Variants in GPC6 observed in about 807,000 individuals in gnomAD.
GPC6 encodes the protein glypican 6.
A neutral mutation model predicts 55.2 loss-of-function variants in GPC6; 14 were observed. The ratio of observed to expected loss-of-function variants is 0.25; its 90% CI spans 0.17 to 0.40. The LOEUF is 0.40. Among genes scored for constraint, GPC6 ranks in the 10% least tolerant of loss-of-function variants. The pLI is 1.00. For missense variants in GPC6, 641 were observed against 708.5 expected (o/e 0.90, Z 1.08); for synonymous variants, 278 against 259.6 (o/e 1.07, Z -0.68).
chr13:93,523,335 A>T (rs1257289559), intron 1 of GPC6, among the ~76,000 whole-genome samples: 2 of 134,850 alleles, frequency 1.5e-5, no homozygotes, highest in Non-Finnish European at 3.0e-5. Context: ...ATATATATGC[A>T]TGTGTATATG....
intron 2 of GPC6, among the ~76,000 whole-genome samples, chr13:93,717,707 G>A (rs187057852): frequency 3.5e-4 from 53 of 151,714 alleles, no homozygotes; most frequent in African/African-American, 1.2e-3. Flanking sequence ...GTGGTTTGCT[G>A]CACCCATCAA....
chr13:93,313,839 T>G (rs1879156530), intron 1 of GPC6, among the ~76,000 whole-genome samples: 1 of 152,086 alleles, frequency 6.6e-6, no homozygotes, highest in Non-Finnish European at 1.5e-5. Context: ...GCCTAAAATT[T>G]TATCTTCTAA....
chr13:93,322,591 C>A (rs370716926), intron 1 of GPC6, among the ~76,000 whole-genome samples: 1 of 151,692 alleles, frequency 6.6e-6, no homozygotes, highest in African/African-American at 2.4e-5. Context: ...TGCCCGCCAC[C>A]ATGCCCAGCT....
At chr13:93,252,544 C>G (rs1212648408) in intron 1 of GPC6, among the ~76,000 whole-genome samples, 1 of 152,180 alleles carries the variant, frequency 6.6e-6, no homozygotes, top group Admixed American at 6.5e-5. Context: ...TTCATTTGCC[C>G]TAAGCCTCTT....
At chr13:94,033,806 A>C (rs1027589845) in intron 4 of GPC6, among the ~76,000 whole-genome samples, 1 of 152,154 alleles carries the variant, frequency 6.6e-6, no homozygotes, top group Non-Finnish European at 1.5e-5. Context: ...AAAAAGAAAA[A>C]CCCAAGAGCT....
chr13:94,290,769 T>G (rs1222061211), intron 5 of GPC6, among the ~76,000 whole-genome samples: 1 of 152,224 alleles, frequency 6.6e-6, no homozygotes, highest in Non-Finnish European at 1.5e-5. Context: ...GGGCTATTTA[T>G]TACTAGAATG....
chr13:94,215,500 A>G (rs1202093920), intron 4 of GPC6, among the ~76,000 whole-genome samples: 1 of 152,228 alleles, frequency 6.6e-6, no homozygotes, highest in Non-Finnish European at 1.5e-5. Flanking sequence ...TGTGAAAACA[A>G]TGTTCCTTCA....
chr13:94,098,310 A>G (rs1199004909), intron 4 of GPC6, among the ~76,000 whole-genome samples: 1 of 152,200 alleles, frequency 6.6e-6, no homozygotes, highest in East Asian at 1.9e-4. Flanking sequence ...CAAATCATTA[A>G]TTAATGGATA....
chr13:94,265,876 A>G (rs9556361), intron 4 of GPC6, among the ~76,000 whole-genome samples: 63,604 of 151,922 alleles, frequency 0.42, 13,594 homozygotes, highest in African/African-American at 0.51. Context: ...AATTTGTTTT[A>G]TTGGCATTAT....
intron 2 of GPC6, among the ~76,000 whole-genome samples, chr13:93,566,462 C>G (rs1876124461): frequency 3.1e-5 from 1 of 32,428 alleles, no homozygotes; most frequent in Non-Finnish European, 1.5e-4. Flanking sequence ...ATCCCTCCTT[C>G]TCTTCAGAGA....
At chr13:94,031,103 TGC>T (rs1883116662) in intron 4 of GPC6, among the ~76,000 whole-genome samples, 2 of 147,370 alleles carry the variant, frequency 1.4e-5, no homozygotes, top group African/African-American at 5.1e-5. Context: ...CGTGTGTGTG[TGC>T]GTGCATGTGT....
At chr13:93,994,235 A>G (rs1408976171) in intron 3 of GPC6, among the ~76,000 whole-genome samples, 1 of 152,202 alleles carries the variant, frequency 6.6e-6, no homozygotes, top group Non-Finnish European at 1.5e-5. Context: ...AATCCAATCT[A>G]TGTAACTCTT....
chr13:93,676,534 G>T (rs957419151), intron 2 of GPC6, among the ~76,000 whole-genome samples: 1 of 152,048 alleles, frequency 6.6e-6, no homozygotes, highest in Non-Finnish European at 1.5e-5. Context: ...AGCTTTCCAG[G>T]GTAGGGACTG....
chr13:94,066,082 T>C (rs1482880110), intron 4 of GPC6, among the ~76,000 whole-genome samples: 1 of 152,350 alleles, frequency 6.6e-6, no homozygotes, highest in South Asian at 2.1e-4. Context: ...GTTTCTCAGA[T>C]GGTGCTCAGT....
At chr13:93,346,800 C>T (rs187999405) in intron 1 of GPC6, among the ~76,000 whole-genome samples, 9 of 152,224 alleles carry the variant, frequency 5.9e-5, no homozygotes, top group Non-Finnish European at 1.5e-5. Context: ...GTGAAAAGTT[C>T]AGGCATTGCT....
intron 4 of GPC6, among the ~76,000 whole-genome samples, chr13:94,254,542 A>G (rs1447665531): frequency 1.3e-5 from 2 of 152,124 alleles, no homozygotes. Flanking sequence ...TGATAATAAT[A>G]AAAATAATAA....
intron 3 of GPC6, among the ~76,000 whole-genome samples, chr13:93,970,751 G>T (rs76630197): frequency 6.6e-6 from 1 of 152,212 alleles, no homozygotes; most frequent in Admixed American, 6.5e-5. Flanking sequence ...GATGAAACTC[G>T]CATCAACACC....
At position 94,027,712 on chromosome 13, in the gene GPC6, TTGCAATAAATC is replaced by T; in HGVS notation, c.712-12_712-2del. ...TTCTTATTTTTGATTTTCTTTTTCT[TTGCAATAAATC>T]TGCAGGTCAGCCCAACCCCAGGGTG... On this transcript the variant is annotated splice_polypyrimidine_tract_variant and splice_region_variant and intron_variant, in intron 3 of 8. Transcript: ENST00000377047. 6.2e-7 allele frequency: 1 copy of T among 1,612,714 alleles called. No individual in the cohort carries two copies. The highest frequency in any genetic ancestry group is 8.5e-7 in the Non-Finnish European group (1 of 1,178,708).
At chr13:94,054,952 C>A (rs918061262) in intron 4 of GPC6, among the ~76,000 whole-genome samples, 1 of 151,354 alleles carries the variant, frequency 6.6e-6, no homozygotes, top group Non-Finnish European at 1.5e-5. Flanking sequence ...ACACACACAT[C>A]CACACCTAAA....
Sources: allele counts gnomAD v4.1 joint callset (sites outside exome capture counted in the v4.1 genomes callset), GRCh38; gene constraint gnomAD v4.1.1; transcripts MANE v1.5; gene names NCBI Gene and HGNC (gene_info 2026-07-23, HGNC 2026-07-21).